The following NME7 variants were observed in gnomAD, a reference collection of about 807,000 sequenced individuals.
The protein encoded by NME7 is nucleoside diphosphate kinase 7.
In NME7, 41 loss-of-function variants were observed where a neutral mutation model predicts 49.1. The ratio of observed to expected loss-of-function variants is 0.83; its 90% CI spans 0.65 to 1.08. The LOEUF is 1.08. NME7 is among the 50% of genes least tolerant of loss of function. The pLI, the probability that NME7 is intolerant of heterozygous loss-of-function variation, is 0.00. For missense variants in NME7, 423 were observed against 463.4 expected, an observed-to-expected ratio of 0.91 and a Z score of 0.80; for synonymous variants, 139 against 150.6, an observed-to-expected ratio of 0.92 and a Z score of 0.56.
intron 4 of NME7, among the ~76,000 whole-genome samples, chr1:169,307,561 T>A (rs1038010679): frequency 6.6e-6 from 1 of 152,192 alleles, no homozygotes; most frequent in Non-Finnish European, 1.5e-5. Context: ...TCTTGAAGTG[T>A]TTGCTGGTTT....
intron 10 of NME7, chr1:169,190,610 T>C: frequency 2.3e-6 from 1 of 429,526 alleles, no homozygotes; most frequent in South Asian, 1.7e-5. Context: ...TTTTTATAAC[T>C]TACATTTAAA....
chr1:169,142,434 G>A (rs964093757), intron 11 of NME7, among the ~76,000 whole-genome samples: 4 of 152,126 alleles, frequency 2.6e-5, no homozygotes, highest in African/African-American at 9.7e-5. Context: ...GATGCTTGAT[G>A]ACTTACAGCA....
At position 169,324,510 on chromosome 1, in the gene NME7, AAGAC is replaced by A. The variant is rs755111967; in HGVS notation, c.4-14_4-11del. On this transcript the variant is annotated splice_polypyrimidine_tract_variant and intron_variant, in intron 1 of 11. Transcript: ENST00000367811. The stretch of plus-strand genomic sequence containing the variant: ...ATCTTTCACTATGATTCTGCAAAGA[AAGAC>A]AGAAGAATTTTAACACTAACATATA... 1.1e-5 allele frequency: 17 copies of A among 1,535,704 alleles called. No individual in the cohort carries two copies. Among genetic ancestry groups the A allele is most frequent in the African/African-American group, 2.7e-5 (2 of 73,666 alleles).
rs1009630321 is a variant in NME7, at chr1:169,272,005, T to C, written c.754+15298A>G. Among the ~76,000 whole-genome samples, 4 of 131,644 alleles carry C rather than the reference T, an allele frequency of 3.0e-5. 1 individual carries two copies. The highest frequency in any genetic ancestry group is 1.0e-4 in the African/African-American group (4 of 39,254). The allele number at this position is 131,644 out of a possible 152,430, so 86.4% of individuals were successfully genotyped here. ...AAATGGTCTTAAATTATTCCAAAAATACAGGTTTAGAAATAAAAGGAAAAA... is the reference window on the plus strand; with the variant it reads ...AAATGGTCTTAAATTATTCCAAAAACACAGGTTTAGAAATAAAAGGAAAAA... On this transcript the variant is annotated intron_variant, in intron 7 of 11. Coordinates refer to ENST00000367811, the MANE Select transcript of NME7 (RefSeq NM_013330.5).
intron 10 of NME7, among the ~76,000 whole-genome samples, chr1:169,178,851 T>C (rs1659844904): frequency 1.4e-5 from 2 of 140,672 alleles, no homozygotes; most frequent in South Asian, 2.2e-4. Flanking sequence ...GACAGAGTCT[T>C]GCTCTGTCAC....
At chr1:169,179,933 T>A (rs1659875882) in intron 10 of NME7, among the ~76,000 whole-genome samples, 1 of 149,768 alleles carries the variant, frequency 6.7e-6, no homozygotes, top group Non-Finnish European at 1.5e-5. Context: ...TTTACCCATG[T>A]AACATGAACA....
At chr1:169,296,991 C>G (rs938493600) in intron 6 of NME7, among the ~76,000 whole-genome samples, 15 of 150,976 alleles carry the variant, frequency 9.9e-5, no homozygotes, top group African/African-American at 3.7e-4. Context: ...TTTTTTCCCC[C>G]GAGATGGAGT....
intron 3 of NME7, among the ~76,000 whole-genome samples, chr1:169,321,104 C>A (rs1651837261): frequency 6.6e-6 from 1 of 152,110 alleles, no homozygotes; most frequent in South Asian, 2.1e-4. Flanking sequence ...AGACTGTTAA[C>A]CCTGACTCCC....
At chr1:169,301,343 C>A (rs1343428132) in intron 5 of NME7, among the ~76,000 whole-genome samples, 1 of 152,080 alleles carries the variant, frequency 6.6e-6, no homozygotes, top group Non-Finnish European at 1.5e-5. Context: ...CACTAATCAT[C>A]GGAGAAATGC....
At chr1:169,177,689 C>T (rs1050553419) in intron 10 of NME7, among the ~76,000 whole-genome samples, 3 of 152,096 alleles carry the variant, frequency 2.0e-5, no homozygotes, top group African/African-American at 7.3e-5. Flanking sequence ...TCTCCAACCC[C>T]ACCTGAAATG....
chr1:169,268,541 C>A (rs563761048), intron 7 of NME7, among the ~76,000 whole-genome samples: 1 of 133,412 alleles, frequency 7.5e-6, no homozygotes, highest in Non-Finnish European at 1.8e-5. Context: ...AACCTAAATG[C>A]CCATCACTGG....
intron 5 of NME7, 26 bp downstream of exon 5, chr1:169,303,119 C>T (rs762204525): frequency 1.3e-6 from 2 of 1,487,306 alleles, no homozygotes; most frequent in Non-Finnish European, 1.9e-6. Flanking sequence ...CTTTACATAC[C>T]ACTAATCCCC....
At chr1:169,305,433 T>C (rs1651133888) in intron 4 of NME7, among the ~76,000 whole-genome samples, 3 of 152,250 alleles carry the variant, frequency 2.0e-5, no homozygotes, top group Admixed American at 6.5e-5. Context: ...GATATTGTCA[T>C]CATGGCGGAA....
At chr1:169,349,137 G>A (rs1449297466) in intron 1 of NME7, among the ~76,000 whole-genome samples, 2 of 151,698 alleles carry the variant, frequency 1.3e-5, no homozygotes, top group Admixed American at 1.3e-4. Flanking sequence ...AAGTTAATAA[G>A]TTTCTTTTTT....
intron 1 of NME7, among the ~76,000 whole-genome samples, chr1:169,326,981 T>C (rs1437020139): frequency 6.6e-6 from 1 of 152,216 alleles, no homozygotes; most frequent in African/African-American, 2.4e-5. Context: ...TATCATTTTG[T>C]TTTAACTCTT....
chr1:169,258,800 C>T lies in NME7; in HGVS notation c.755-21113G>A, dbSNP rs1649068293. 1.5e-5 allele frequency among the ~76,000 whole-genome samples: 2 copies of T among 133,508 alleles called. 1 individual carries two copies. Among genetic ancestry groups the T allele is most frequent in the Admixed American group, 1.5e-4 (2 of 13,514 alleles). 87.6% of individuals were successfully genotyped at this position (133,508 alleles called of 152,430 possible). Reference sequence around the variant, plus strand: ...GGTTCTATAGATAGGTACAGCTTTGCTATCTGGTGATTCTCAAAGTGTGGT... The same window carrying T: ...GGTTCTATAGATAGGTACAGCTTTGTTATCTGGTGATTCTCAAAGTGTGGT... On this transcript the variant is annotated intron_variant, in intron 7 of 11. Coordinates refer to ENST00000367811, the MANE Select transcript of NME7 (RefSeq NM_013330.5).
intron 6 of NME7, among the ~76,000 whole-genome samples, chr1:169,295,773 C>T (rs528886073): frequency 7.9e-5 from 12 of 152,138 alleles, no homozygotes; most frequent in Non-Finnish European, 1.6e-4. Flanking sequence ...ACCACATTTC[C>T]CTGATCTATT....
chr1:169,348,113 T>A (rs1653009418), intron 1 of NME7, among the ~76,000 whole-genome samples: 2 of 152,190 alleles, frequency 1.3e-5, no homozygotes, highest in African/African-American at 2.4e-5. Flanking sequence ...TGATACAGAC[T>A]TAAGTGGCTG....
At chr1:169,354,741 T>G (rs993039122) in intron 1 of NME7, among the ~76,000 whole-genome samples, 2 of 142,896 alleles carry the variant, frequency 1.4e-5, no homozygotes, top group East Asian at 4.0e-4. Context: ...TACACACACC[T>G]AGTATACTAT....
Sources: allele counts gnomAD v4.1 joint callset (sites outside exome capture counted in the v4.1 genomes callset), GRCh38; gene constraint gnomAD v4.1.1; transcripts MANE v1.5; gene names NCBI Gene and HGNC (gene_info 2026-07-23, HGNC 2026-07-21).